RBFOX2: variants seen among roughly 807,000 people sequenced by gnomAD.
RBFOX2 encodes RNA binding fox-1 homolog 2, also known as RNA binding protein fox-1 homolog 2.
RBFOX2 carries 10 observed loss-of-function variants against 49.1 expected under a neutral mutation model. That is an observed-to-expected ratio of 0.20 (90% CI 0.13 to 0.35). RBFOX2 has a LOEUF of 0.35. Ranked by LOEUF, RBFOX2 falls within the 10% of genes least tolerant of loss-of-function variation. The probability of loss-of-function intolerance (pLI) is 1.00; values close to 1 mark genes in which losing one functional copy is unlikely to be tolerated. For missense variants in RBFOX2, 323 were observed against 486.9 expected (o/e 0.66, Z 3.17); for synonymous variants, 183 against 187.4 (o/e 0.98, Z 0.19).
At chr22:35,988,191 C>A (rs2057804583) in intron 1 of RBFOX2, among the ~76,000 whole-genome samples, 1 of 152,310 alleles carries the variant, frequency 6.6e-6, no homozygotes, top group East Asian at 1.9e-4. Flanking sequence ...AAGAACCGCA[C>A]AGCGATCATT....
intron 2 of RBFOX2, among the ~76,000 whole-genome samples, chr22:35,807,406 C>T (rs1031529850): frequency 2.0e-5 from 3 of 151,608 alleles, no homozygotes; most frequent in Admixed American, 6.6e-5. Context: ...TCATGTGAAG[C>T]GCCAAAGAAA....
exon 12 of RBFOX2, chr22:35,742,108 T>C (rs1004687364): frequency 2.0e-5 from 3 of 152,224 alleles, no homozygotes; most frequent in Admixed American, 6.5e-5. Context: ...AATATTTATA[T>C]ACATACAACA....
chr22:35,844,010 T>TA (rs1437356150), upstream of RBFOX2, among the ~76,000 whole-genome samples: 26 of 152,116 alleles, frequency 1.7e-4, no homozygotes, highest in Admixed American at 7.9e-4. Flanking sequence ...TTTGAGCACA[T>TA]ACATCTCTTC....
intron 1 of RBFOX2, among the ~76,000 whole-genome samples, chr22:36,026,005 C>T (rs576407076): frequency 6.6e-6 from 1 of 152,242 alleles, no homozygotes; most frequent in Admixed American, 6.5e-5. Flanking sequence ...TGGCTCACAC[C>T]TGTAATCCCA....
chr22:35,906,030 A>G lies in RBFOX2; in HGVS notation c.-34+32817T>C, dbSNP rs112829494. On this transcript the variant is annotated intron_variant, in intron 1 of 13. Transcript: ENST00000359369. Reference sequence around the variant, plus strand: ...ATATATAATATATAGTCAGGTATATATCTAGGTTTGTGTAAGTACATTCTA... The same window carrying G: ...ATATATAATATATAGTCAGGTATATGTCTAGGTTTGTGTAAGTACATTCTA... Among the ~76,000 whole-genome samples the G allele has an allele frequency of 2.3e-3, 348 of 152,348 alleles. 3 individuals are homozygous for G. Among genetic ancestry groups the G allele is most frequent in the African/African-American group, 7.1e-3 (296 of 41,582 alleles).
At chr22:35,782,618 G>T (rs1235614341) in intron 2 of RBFOX2, among the ~76,000 whole-genome samples, 1 of 152,156 alleles carries the variant, frequency 6.6e-6, no homozygotes, top group African/African-American at 2.4e-5. Context: ...ACCGTGCCTG[G>T]CCAAGAAGCT....
intron 1 of RBFOX2, among the ~76,000 whole-genome samples, chr22:35,863,048 AT>A (rs1351014689): frequency 6.6e-6 from 1 of 152,198 alleles, no homozygotes; most frequent in Non-Finnish European, 1.5e-5. Flanking sequence ...CAGAAAGCAT[AT>A]AAAGAACTAG....
chr22:35,988,578 C>T (rs1051147731), intron 1 of RBFOX2, among the ~76,000 whole-genome samples: 1 of 151,950 alleles, frequency 6.6e-6, no homozygotes, highest in Non-Finnish European at 1.5e-5. Context: ...AGGGTTAGTG[C>T]CATAAAGGGT....
rs768311951 is a variant in RBFOX2, at chr22:35,744,188, A to AG, written c.*6dup. The stretch of plus-strand genomic sequence containing the variant: ...TGAACTGGGGGGCTGTCCCATTTGC[A>AG]GGGGTCTCACGTCACTTCAGTAGGG... On this transcript the variant is annotated 3_prime_UTR_variant, in exon 12 of 12. Coordinates refer to ENST00000405409, the Ensembl canonical transcript of RBFOX2. 5.0e-6 allele frequency: 8 copies of AG among 1,605,744 alleles called. No individual in the cohort carries two copies. The African/African-American group carries it at 1.1e-4, about 22-fold the overall frequency.
At chr22:35,867,523 G>A (rs1305906570) in intron 1 of RBFOX2, among the ~76,000 whole-genome samples, 1 of 152,114 alleles carries the variant, frequency 6.6e-6, no homozygotes, top group African/African-American at 2.4e-5. Context: ...CACACCATAG[G>A]ACAAAATCAG....
At chr22:35,960,919 G>A (rs1265225943) in intron 1 of RBFOX2, among the ~76,000 whole-genome samples, 1 of 151,846 alleles carries the variant, frequency 6.6e-6, no homozygotes, top group Non-Finnish European at 1.5e-5. Context: ...CTATTTTGAA[G>A]GGCAATATTC....
At chr22:36,017,166 A>C (rs777522899) in intron 1 of RBFOX2, among the ~76,000 whole-genome samples, 1 of 152,226 alleles carries the variant, frequency 6.6e-6, no homozygotes, top group Non-Finnish European at 1.5e-5. Flanking sequence ...AAACATATCC[A>C]ATATGAGTGA....
intron 4 of RBFOX2, among the ~76,000 whole-genome samples, chr22:35,774,785 T>A (rs559726393): frequency 1.3e-5 from 2 of 152,294 alleles, no homozygotes; most frequent in South Asian, 4.1e-4. Flanking sequence ...TTTACTTATG[T>A]TTTCAAATGG....
intron 1 of RBFOX2, among the ~76,000 whole-genome samples, chr22:35,988,948 G>A (rs2057845406): frequency 6.6e-6 from 1 of 152,240 alleles, no homozygotes; most frequent in African/African-American, 2.4e-5. Context: ...CCAGCATCTT[G>A]GGAGACCGAG....
chr22:36,022,351 T>C (rs1333012674), intron 1 of RBFOX2, among the ~76,000 whole-genome samples: 2 of 152,186 alleles, frequency 1.3e-5, no homozygotes, highest in Non-Finnish European at 2.9e-5. Flanking sequence ...TAGCTTCTGT[T>C]GTGTTCACAT....
intron 2 of RBFOX2, among the ~76,000 whole-genome samples, chr22:35,798,904 G>A (rs1052012039): frequency 6.6e-6 from 1 of 152,118 alleles, no homozygotes; most frequent in Admixed American, 6.5e-5. Context: ...AAAAAGAAAA[G>A]TATTTACATT....
At chr22:35,868,109 G>A (rs1556228873) in intron 1 of RBFOX2, among the ~76,000 whole-genome samples, 2 of 152,074 alleles carry the variant, frequency 1.3e-5, no homozygotes, top group Non-Finnish European at 2.9e-5. Flanking sequence ...CTACTCAGGC[G>A]ACTGAGGCAG....
At chr22:35,827,932 C>T (rs1022087274) in intron 1 of RBFOX2, among the ~76,000 whole-genome samples, 4 of 151,932 alleles carry the variant, frequency 2.6e-5, no homozygotes, top group African/African-American at 9.7e-5. Flanking sequence ...TTTGGGAGGC[C>T]GAGGTGGGCA....
chr22:35,947,331 G>A (rs752653394), intron 1 of RBFOX2, among the ~76,000 whole-genome samples: 14 of 152,074 alleles, frequency 9.2e-5, no homozygotes, highest in Non-Finnish European at 1.6e-4. Flanking sequence ...TCATATAAAA[G>A]TCTAGCGCAT....
Sources: gnomAD v4.1 joint callset for allele counts (sites outside exome capture counted in the v4.1 genomes callset) on GRCh38, gnomAD v4.1.1 for gene constraint, MANE v1.5 for transcripts, NCBI Gene and HGNC (gene_info 2026-07-23, HGNC 2026-07-21) for gene names.